The following AOX1 variants were observed in gnomAD, a reference collection of about 807,000 sequenced individuals.
The protein encoded by AOX1 is aldehyde oxidase 1, also known as aldehyde oxidase.
A neutral mutation model predicts 169.5 loss-of-function variants in AOX1; 153 were observed. The ratio of observed to expected loss-of-function variants is 0.90; its 90% confidence interval spans 0.79 to 1.03. AOX1 has a LOEUF of 1.03. Ranked by LOEUF, AOX1 falls within the 50% of genes least tolerant of loss-of-function variation. The pLI, the probability that AOX1 is intolerant of heterozygous loss-of-function variation, is 0.00. For synonymous variants in AOX1, 562 were observed against 581.9 expected (o/e 0.97, Z 0.49); for missense variants, 1,656 against 1,663.9 (o/e 1.00, Z 0.08).
In AOX1 at chr2:200,597,926, T is replaced by C. The variant is rs151194931; in HGVS notation, c.309+421T>C. Among the ~76,000 whole-genome samples the C allele has an allele frequency of 4.1e-4, 63 of 152,128 alleles. No individual in the cohort carries two copies. In the East Asian group the frequency reaches 0.012, roughly 29 times the overall value. On this transcript the variant is annotated intron_variant, in intron 4 of 34. Coordinates refer to ENST00000374700, the MANE Select transcript of AOX1 (RefSeq NM_001159.4). ...GAGTTTGAGACCAGCTTAGGCAACA[T>C]GGTGAAACATGTCTCTACAAAAGTA...
At chr2:200,680,977 C>T (rs2036147905), downstream of AOX1, among the ~76,000 whole-genome samples, 1 of 152,232 alleles carries the variant, frequency 6.6e-6, no homozygotes, top group Non-Finnish European at 1.5e-5. Context: ...AAAGCTGGAG[C>T]TCTCTTTGTG....
chr2:200,610,732 C>A (rs192064315), intron 12 of AOX1, among the ~76,000 whole-genome samples: 4 of 152,060 alleles, frequency 2.6e-5, no homozygotes, highest in Admixed American at 6.5e-5. Context: ...AATATTTACT[C>A]CCTACTTGTA....
intron 14 of AOX1, among the ~76,000 whole-genome samples, chr2:200,613,025 T>TGAGA (rs200261175): frequency 4.3e-4 from 41 of 95,870 alleles, no homozygotes; most frequent in Non-Finnish European, 5.1e-4. Context: ...TGTGTGTGTG[T>TGAGA]GTGAGAGAGA....
At chr2:200,681,821 T>C (rs539762303), downstream of AOX1, among the ~76,000 whole-genome samples, 2 of 152,352 alleles carry the variant, frequency 1.3e-5, no homozygotes, top group Non-Finnish European at 2.9e-5. Context: ...TGGGTGTCTT[T>C]GATGCAATTC....
At chr2:200,644,922 T>C (rs1194762650) in intron 25 of AOX1, among the ~76,000 whole-genome samples, 1 of 152,216 alleles carries the variant, frequency 6.6e-6, no homozygotes, top group Non-Finnish European at 1.5e-5. Flanking sequence ...CTGAATTCTT[T>C]TATCAGTTCT....
chr2:200,640,988 C>A, intron 23 of AOX1, 110 bp from the exon 24 acceptor site: 1 of 712,862 alleles, frequency 1.4e-6, no homozygotes, highest in Non-Finnish European at 2.5e-6. Flanking sequence ...AAATCACTGC[C>A]AAATCCAATG....
intron 23 of AOX1, among the ~76,000 whole-genome samples, chr2:200,640,036 CAAA>C (rs547926062): frequency 5.9e-5 from 4 of 67,782 alleles, no homozygotes; most frequent in African/African-American, 5.3e-5. Flanking sequence ...GACTCCATCT[CAAA>C]AAAAAAAAAA....
At chr2:200,624,118 C>T in intron 19 of AOX1, 135 bp downstream of exon 19, 1 of 1,035,606 alleles carries the variant, frequency 9.7e-7, no homozygotes, top group Non-Finnish European at 1.4e-6. Flanking sequence ...AACCTCTAAC[C>T]AGTCTCAGTA....
At chr2:200,619,713 G>A (rs894287771) in intron 16 of AOX1, among the ~76,000 whole-genome samples, 28 of 152,168 alleles carry the variant, frequency 1.8e-4, no homozygotes, top group African/African-American at 6.5e-4. Context: ...GCTCCATGGG[G>A]CTCTAAGAAA....
chr2:200,613,029 A>T lies in AOX1; in HGVS notation c.1448+236A>T, dbSNP rs74749290. 1.9e-3 allele frequency among the ~76,000 whole-genome samples: 212 copies of T among 109,770 alleles called. 1 individual carries two copies. Among genetic ancestry groups the T allele is most frequent in the South Asian group, 6.5e-3 (22 of 3,386 alleles). 72.0% of individuals were successfully genotyped at this position (109,770 alleles called of 152,430 possible). On this transcript the variant is annotated intron_variant, in intron 14 of 34. Coordinates refer to ENST00000374700, the MANE Select transcript of AOX1 (RefSeq NM_001159.4). The stretch of plus-strand genomic sequence containing the variant: ...GTGTGTGTGTGTGTGTGTGTGTGTG[A>T]GAGAGAGAGAGAGAGACAGACAGAC...
In AOX1 at chr2:200,613,785, T is replaced by G; in HGVS notation, c.1449-19T>G. The G allele has an allele frequency of 6.2e-7, 1 of 1,607,350 alleles. No homozygotes were observed. The highest frequency in any genetic ancestry group is 1.3e-5 in the African/African-American group (1 of 74,742). Reference sequence around the variant, plus strand: ...AATAAACCCTGTCAGGCTAGGAGTCTTCTCTTTGGACTTTCCAGGCACTGG... The same window carrying G: ...AATAAACCCTGTCAGGCTAGGAGTCGTCTCTTTGGACTTTCCAGGCACTGG... On this transcript the variant is annotated intron_variant, in intron 14 of 34. Transcript: ENST00000374700.
chr2:200,591,584 G>A (rs1054386020), intron 1 of AOX1, among the ~76,000 whole-genome samples: 2 of 152,168 alleles, frequency 1.3e-5, no homozygotes, highest in African/African-American at 4.8e-5. Context: ...ATTCACCTAA[G>A]ATCCACTCAG....
chr2:200,641,601 G>GTGCC (rs1223298650), intron 24 of AOX1, among the ~76,000 whole-genome samples: 3 of 151,954 alleles, frequency 2.0e-5, no homozygotes, highest in African/African-American at 7.3e-5. Flanking sequence ...GACTCACTCT[G>GTGCC]TGCCCAGGCT....
In AOX1 at chr2:200,656,787, G is replaced by A. The variant is rs1163872719; in HGVS notation, c.3076-55G>A. 2.7e-5 allele frequency: 33 copies of A among 1,244,612 alleles called. No individual in the cohort carries two copies. The East Asian group carries it at 6.1e-4, about 23-fold the overall frequency. 77.1% of individuals were successfully genotyped at this position (1,244,612 alleles called of 1,614,324 possible). The stretch of plus-strand genomic sequence containing the variant: ...CCAAGGAAAATGTTTTAATTGACAC[G>A]ATATGTGATAATATCAAAAAGATCA... On this transcript the variant is annotated intron_variant, in intron 26 of 34. Coordinates refer to ENST00000374700, the MANE Select transcript of AOX1 (RefSeq NM_001159.4).
At position 200,612,793 on chromosome 2, in the gene AOX1, G is replaced by T; in HGVS notation, c.1448G>T (p.Arg483Met). The part of the protein sequence containing the change: ...AKNSCQKLIG[R>M]HWNEQMLDIA... ...AATTCCTGCCAGAAACTCATTGGAA[G>T]GTAAGGCATTAGAAGTAAGGGCTCC... Residue 483 changes from arginine to methionine, a missense_variant and splice_region_variant, in exon 14 of 35, where the codon AGG (arginine) becomes ATG (methionine). Arg to Met is a moderately conservative substitution (Grantham distance 91). Transcript: ENST00000374700. The T allele has an allele frequency of 6.2e-7, 1 of 1,613,120 alleles. No homozygotes were observed. Among genetic ancestry groups the T allele is most frequent in the Non-Finnish European group, 8.5e-7 (1 of 1,179,492 alleles).
intron 20 of AOX1, among the ~76,000 whole-genome samples, chr2:200,633,836 G>A (rs1032513847): frequency 1.3e-5 from 2 of 152,124 alleles, no homozygotes; most frequent in African/African-American, 4.8e-5. Flanking sequence ...TATTTTATTA[G>A]AATATTCTGT....
At chr2:200,618,035 A>C (rs1383044188) in intron 16 of AOX1, among the ~76,000 whole-genome samples, 1 of 152,110 alleles carries the variant, frequency 6.6e-6, no homozygotes, top group Non-Finnish European at 1.5e-5. Context: ...ATAGAGCTGG[A>C]GTGTTGGGAC....
At chr2:200,603,454 T>G (rs903529362) in intron 7 of AOX1, 98 bp downstream of exon 7, 1 of 881,870 alleles carries the variant, frequency 1.1e-6, no homozygotes. Context: ...GTTGACTAAC[T>G]TGAGGTATGT....
chr2:200,641,124 C>T lies in AOX1; in HGVS notation c.2595C>T (p.Ile865=). The T allele has an allele frequency of 6.2e-7, 1 of 1,613,456 alleles. No individual in the cohort carries two copies. ...CTGGATTCATGAACGATGGCAGAAT[C>T]TTGGCCCTGGACATGGAGCATTACA... The part of the protein sequence containing the change: ...YKAGFMNDGR[I]LALDMEHYSN... Residue 865 remains isoleucine, a synonymous_variant, in exon 24 of 35, where the codon ATC becomes ATT. Transcript: ENST00000374700.
Sources: gnomAD v4.1 joint callset for allele counts (sites outside exome capture counted in the v4.1 genomes callset) on GRCh38, gnomAD v4.1.1 for gene constraint, MANE v1.5 for transcripts, NCBI Gene and HGNC (gene_info 2026-07-23, HGNC 2026-07-21) for gene names.